ARNT: variants seen among roughly 807,000 people sequenced by gnomAD.
ARNT encodes aryl hydrocarbon receptor nuclear translocator, also known as class E basic helix-loop-helix protein 2.
In ARNT, 30 loss-of-function variants were observed where a neutral mutation model predicts 105.0. The ratio of observed to expected loss-of-function variants is 0.29; its 90% CI spans 0.21 to 0.39. The LOEUF is 0.39. Among genes scored for constraint, ARNT ranks in the 10% least tolerant of loss-of-function variants. The pLI is 1.00. For missense variants in ARNT, 748 were observed against 978.7 expected, an observed-to-expected ratio of 0.76 and a Z score of 3.15; for synonymous variants, 304 against 344.0, an observed-to-expected ratio of 0.88 and a Z score of 1.29.
chr1:150,814,123 A>G lies in ARNT; in HGVS notation c.2067T>C (p.Pro689=). ...TGAGACTAGGGTAGGCAGCAGCACC[A>G]GGCGATGCAGTTGGGGCACCAGGGA... ...MSLPGAPTAS[P]GAAAYPSLTN... is the part of the protein sequence containing the mutation. Residue 689 remains proline, a synonymous_variant, in exon 20 of 22, where the codon CCT becomes CCC. Transcript: ENST00000358595. The G allele has an allele frequency of 6.2e-7, 1 of 1,614,192 alleles. No individual in the cohort carries two copies.
At chr1:150,870,075 AATG>A (rs587754270) in intron 1 of ARNT, among the ~76,000 whole-genome samples, 5 of 152,342 alleles carry the variant, frequency 3.3e-5, no homozygotes, top group Admixed American at 3.3e-4. Context: ...GGAGATTAAG[AATG>A]ATGACTGTGT....
intron 2 of ARNT, 27 bp from the exon 3 acceptor site, chr1:150,852,833 T>G: frequency 6.2e-7 from 1 of 1,613,774 alleles, no homozygotes; most frequent in Non-Finnish European, 8.5e-7. Flanking sequence ...ATAAATACTT[T>G]AAGCCTGCTG....
chr1:150,819,494 C>T (rs1656626656), intron 14 of ARNT, among the ~76,000 whole-genome samples: 1 of 152,030 alleles, frequency 6.6e-6, no homozygotes, highest in Admixed American at 6.6e-5. Context: ...TTTTTGATAA[C>T]CAAGAAGTAG....
intron 14 of ARNT, among the ~76,000 whole-genome samples, chr1:150,821,410 T>C (rs978678250): frequency 1.3e-5 from 2 of 152,214 alleles, no homozygotes; most frequent in African/African-American, 4.8e-5. Flanking sequence ...TACTGCAATA[T>C]GCAATTTACT....
Position 150,817,380 on chromosome 1 carries a change from G to A in ARNT, c.1559C>T (p.Ala520Val). 6.2e-7 allele frequency: 1 copy of A among 1,614,096 alleles called. No individual in the cohort carries two copies. Residue 520 changes from alanine (A) to valine (V), a missense_variant, in exon 16 of 22, where the codon GCC becomes GTC. Ala to Val is a moderately conservative substitution (Grantham distance 64). Coordinates refer to ENST00000358595, the MANE Select transcript of ARNT (RefSeq NM_001668.4). ...LDMVPGRDGL[A>V]SYNHSQVVQP... is the part of the protein sequence containing the mutation. ...ACTCACCTGGGAATGATTGTAGCTG[G>A]CCAGTCCATCTCTTCCTGGTACCAT...
chr1:150,826,604 T>C lies in ARNT; in HGVS notation c.1181A>G (p.Lys394Arg), dbSNP rs1239824064. ...VGYQPQELLG[K>R]NIVEFCHPED... is the part of the protein sequence containing the mutation. ...AGGATGACAGAATTCTACAATATTC[T>C]TTCCTAAGAGTTCCTAGAATACAGA... The change falls in exon 13 of 22, where the codon AAG (lysine) becomes AGG (arginine). Residue 394 changes from lysine (K) to arginine (R), a missense_variant. Around this residue, in one of 4 missense-constraint regions of ARNT, gnomAD observed 291 missense variants for 444.6 expected, o/e 0.65. Coordinates refer to ENST00000358595, the MANE Select transcript of ARNT (RefSeq NM_001668.4). The C allele has an allele frequency of 6.2e-7, 1 of 1,612,006 alleles. No individual in the cohort carries two copies. The highest frequency in any genetic ancestry group is 8.5e-7 in the Non-Finnish European group (1 of 1,178,550).
At chr1:150,849,798 C>T (rs587710835) in intron 3 of ARNT, among the ~76,000 whole-genome samples, 10 of 152,252 alleles carry the variant, frequency 6.6e-5, no homozygotes, top group African/African-American at 2.4e-4. Context: ...GACATGGTGG[C>T]TTATGCCTAT....
chr1:150,872,476 A>C (rs1219745150), intron 1 of ARNT, among the ~76,000 whole-genome samples: 1 of 152,206 alleles, frequency 6.6e-6, no homozygotes, highest in Non-Finnish European at 1.5e-5. Context: ...ATCCACAGTA[A>C]CTTGTACATA....
At chr1:150,823,144 T>TA (rs1272656576) in intron 14 of ARNT, 50 bp downstream of exon 14, 3 of 1,452,304 alleles carry the variant, frequency 2.1e-6, no homozygotes, top group Non-Finnish European at 2.8e-6. Context: ...TGTTTTCTGT[T>TA]GTGAGAACAG....
In ARNT at chr1:150,809,964, A is replaced by G. The variant is rs1654433257; in HGVS notation, c.*2057T>C. On this transcript the variant is annotated 3_prime_UTR_variant, in exon 22 of 22. Coordinates refer to ENST00000358595, the MANE Select transcript of ARNT (RefSeq NM_001668.4). ...CCTATGATTTCTGATTCCTGAAATT[A>G]AAGACACAATGTGCCTTATGTTTGT... 8.8e-6 allele frequency: 2 copies of G among 226,528 alleles called. No individual in the cohort carries two copies. The highest frequency in any genetic ancestry group is 4.5e-5 in the African/African-American group (2 of 44,864). 14.0% of individuals were successfully genotyped at this position (226,528 alleles called of 1,614,324 possible).
intron 11 of ARNT, 131 bp from the exon 12 acceptor site, chr1:150,829,358 C>T: frequency 1.0e-6 from 1 of 999,902 alleles, no homozygotes; most frequent in Non-Finnish European, 1.5e-6. Flanking sequence ...CACATTTTAT[C>T]CAAAAAGGAA....
Position 150,817,286 on chromosome 1 carries a change from C to T in ARNT, c.1578+75G>A, listed in dbSNP as rs1656080904. 10 of 1,610,624 alleles carry T rather than the reference C, an allele frequency of 6.2e-6. No homozygotes were observed. The South Asian group carries it at 6.6e-5, about 11-fold the overall frequency. On this transcript the variant is annotated intron_variant, in intron 16 of 21. Transcript: ENST00000358595. ...CTAAAATTCATATACAACATATGTA[C>T]ATTCTAACTAGTACCGGAGAACACT...
intron 13 of ARNT, among the ~76,000 whole-genome samples, 174 bp downstream of exon 13, chr1:150,826,369 G>A (rs1658269352): frequency 6.6e-6 from 1 of 152,098 alleles, no homozygotes; most frequent in Non-Finnish European, 1.5e-5. Context: ...AATACCTTGG[G>A]CATTATCCAT....
chr1:150,847,648 T>G (rs1662495330), intron 3 of ARNT, among the ~76,000 whole-genome samples: 1 of 152,190 alleles, frequency 6.6e-6, no homozygotes, highest in Admixed American at 6.5e-5. Flanking sequence ...AAAAGACTAG[T>G]GGTTACCCTC....
At chr1:150,846,975 C>G (rs894098848) in intron 3 of ARNT, among the ~76,000 whole-genome samples, 1 of 152,086 alleles carries the variant, frequency 6.6e-6, no homozygotes, top group Non-Finnish European at 1.5e-5. Context: ...AATAATATTC[C>G]CTTGTATGTA....
chr1:150,832,737 T>C (rs148301196), intron 8 of ARNT, among the ~76,000 whole-genome samples: 2 of 152,302 alleles, frequency 1.3e-5, no homozygotes, highest in African/African-American at 2.4e-5. Context: ...AAAATAGCCA[T>C]AGATAATATG....
chr1:150,867,586 GA>G (rs1262945413), intron 1 of ARNT, among the ~76,000 whole-genome samples: 2 of 152,234 alleles, frequency 1.3e-5, no homozygotes, highest in Admixed American at 6.5e-5. Context: ...GTTTATGTGA[GA>G]AGCCAGGAAT....
At chr1:150,872,873 G>A (rs1667672472) in intron 1 of ARNT, among the ~76,000 whole-genome samples, 1 of 152,100 alleles carries the variant, frequency 6.6e-6, no homozygotes, top group Admixed American at 6.5e-5. Context: ...GAAGTGGGAG[G>A]ATCACATGCT....
At chr1:150,841,128 T>C (rs1029316574) in intron 5 of ARNT, among the ~76,000 whole-genome samples, 2 of 151,222 alleles carry the variant, frequency 1.3e-5, no homozygotes, top group East Asian at 3.9e-4. Context: ...TTTTTTTTAT[T>C]TTTAGTAGAG....
Sources: allele counts gnomAD v4.1 joint callset (sites outside exome capture counted in the v4.1 genomes callset), GRCh38; gene constraint gnomAD v4.1.1; regional missense constraint gnomAD v4.1.1; transcripts MANE v1.5; gene names NCBI Gene and HGNC (gene_info 2026-07-23, HGNC 2026-07-21).